CFAP47: variants seen among roughly 807,000 people sequenced by gnomAD.
CFAP47 encodes cilia and flagella associated protein 47, also known as cilia- and flagella-associated protein 47.
Under a neutral mutation model 148.1 loss-of-function variants are expected in CFAP47, and 29 were observed. The observed-to-expected ratio is 0.20, with a 90% CI of 0.15 to 0.27. The LOEUF is 0.27. Among genes scored for constraint, CFAP47 ranks in the 10% least tolerant of loss-of-function variants. CFAP47 has a pLI of 1.00. For synonymous variants in CFAP47, 664 were observed against 577.3 expected (o/e 1.15, Z -2.15); for missense variants, 1,872 against 1,697.5 (o/e 1.10, Z -1.81).
intron 42 of CFAP47, among the ~76,000 whole-genome samples, chrX:36,194,974 A>C (rs1353134960): frequency 8.9e-6 from 1 of 112,544 alleles, no homozygotes; most frequent in Non-Finnish European, 1.9e-5. Context: ...CCTACTGGTG[A>C]ATTAGAGAAG....
At chrX:35,955,641 T>C (rs2146647201) in intron 7 of CFAP47, among the ~76,000 whole-genome samples, 1 of 112,164 alleles carries the variant, frequency 8.9e-6, no homozygotes, top group Non-Finnish European at 1.9e-5. Flanking sequence ...TTGTACTCTG[T>C]CTCAACCTGT....
At chrX:36,025,991 C>G (rs1439843981) in intron 22 of CFAP47, among the ~76,000 whole-genome samples, 1 of 111,559 alleles carries the variant, frequency 9.0e-6, no homozygotes, top group Non-Finnish European at 1.9e-5. Flanking sequence ...ATGTCTTTGT[C>G]AGCTAGAGGG....
At chrX:36,033,735 A>G (rs1223768115) in intron 23 of CFAP47, among the ~76,000 whole-genome samples, 3 of 111,597 alleles carry the variant, frequency 2.7e-5, no homozygotes, top group Non-Finnish European at 5.7e-5. Context: ...GAAATGAGGT[A>G]TGTATTTTGT....
intron 10 of CFAP47, among the ~76,000 whole-genome samples, chrX:35,968,185 G>T (rs774519961): frequency 1.8e-5 from 2 of 110,776 alleles, no homozygotes; most frequent in Non-Finnish European, 3.8e-5. Flanking sequence ...TGTTTATTAA[G>T]TATGGTTGAA....
intron 30 of CFAP47, among the ~76,000 whole-genome samples, chrX:36,087,895 A>G (rs912970125): frequency 3.6e-5 from 4 of 111,522 alleles, no homozygotes; most frequent in Non-Finnish European, 7.5e-5. Flanking sequence ...TTTTTCTCAG[A>G]GTTCTGGATG....
At chrX:36,287,124 A>G (rs1941141857) in intron 51 of CFAP47, among the ~76,000 whole-genome samples, 1 of 111,540 alleles carries the variant, frequency 9.0e-6, no homozygotes, top group African/African-American at 3.2e-5. Context: ...CAAAACCAAA[A>G]CCAAAAAACC....
intron 51 of CFAP47, among the ~76,000 whole-genome samples, chrX:36,288,970 C>A: frequency 1.1e-5 from 1 of 88,251 alleles, no homozygotes; most frequent in South Asian, 5.0e-4. Flanking sequence ...TTTTGAGTTA[C>A]TGTTTTCAAT....
At chrX:35,991,148 TC>T (rs935467604) in intron 16 of CFAP47, among the ~76,000 whole-genome samples, 3 of 111,580 alleles carry the variant, frequency 2.7e-5, no homozygotes, top group Non-Finnish European at 5.7e-5. Context: ...TTTGGTTTCT[TC>T]CACTGTAAAA....
In CFAP47 at chrX:36,104,399, C is replaced by T. The variant is rs932377356; in HGVS notation, c.5128-100C>T. ...CATTTAACCAGAAAATACTAGTGCC[C>T]TCTTTAATCTCCTGTCATGTTTTTT... On this transcript the variant is annotated intron_variant, in intron 32 of 63. Transcript: ENST00000378653. 1.9e-5 allele frequency: 7 copies of T among 366,740 alleles called. No individual in the cohort carries two copies. In the South Asian group the frequency reaches 7.0e-4, roughly 37 times the overall value. The allele number at this position is 366,740 out of a possible 1,213,427, so 30.2% of individuals were successfully genotyped here. A position where few individuals can be genotyped will look rare whatever the true frequency, so the allele number is the denominator to read the frequency against.
intron 16 of CFAP47, among the ~76,000 whole-genome samples, chrX:35,990,957 A>C (rs190507020): frequency 3.8e-4 from 42 of 111,598 alleles, no homozygotes; most frequent in Middle Eastern, 9.3e-3. Flanking sequence ...CCCCATGAGG[A>C]GAATTGACTT....
chrX:36,079,039 G>A (rs1018861457), intron 29 of CFAP47, among the ~76,000 whole-genome samples: 2 of 112,015 alleles, frequency 1.8e-5, no homozygotes, highest in African/African-American at 6.5e-5. Context: ...TTTCTGCCAA[G>A]AGATCCACTG....
At chrX:36,092,055 A>G (rs1938194105) in intron 30 of CFAP47, among the ~76,000 whole-genome samples, 1 of 111,487 alleles carries the variant, frequency 9.0e-6, no homozygotes, top group Non-Finnish European at 1.9e-5. Context: ...GGATATTCAT[A>G]TTAAGAGTTT....
chrX:36,042,374 G>T (rs1027538871), intron 25 of CFAP47, among the ~76,000 whole-genome samples: 1 of 111,276 alleles, frequency 9.0e-6, no homozygotes, highest in Non-Finnish European at 1.9e-5. Context: ...CTGTATATTA[G>T]ATTATTTTTT....
At chrX:36,215,619 C>T (rs1940151509) in intron 45 of CFAP47, among the ~76,000 whole-genome samples, 1 of 111,513 alleles carries the variant, frequency 9.0e-6, no homozygotes, top group Non-Finnish European at 1.9e-5. Flanking sequence ...TAAAATGTAT[C>T]ACATACAGAA....
chrX:36,189,999 G>T lies in CFAP47; in HGVS notation c.6176-52G>T. 3 of 294,606 alleles carry T rather than the reference G, an allele frequency of 1.0e-5. No individual in the cohort carries two copies. The South Asian group carries it at 6.3e-4, about 62-fold the overall frequency. The allele number at this position is 294,606 out of a possible 1,213,427, so 24.3% of individuals were successfully genotyped here. ...GATACCAAAACTTTAATCACTAAAT[G>T]AACAGCACTTACAAAATTATATGTC... On this transcript the variant is annotated intron_variant, in intron 41 of 63. Transcript: ENST00000378653.
chrX:36,089,383 A>C (rs982673314), intron 30 of CFAP47, among the ~76,000 whole-genome samples: 1 of 111,937 alleles, frequency 8.9e-6, no homozygotes, highest in African/African-American at 3.3e-5. Flanking sequence ...AAATAAAAAA[A>C]AGGAAAAAAA....
At chrX:36,375,306 G>A (rs782680188) in intron 62 of CFAP47, 10 of 147,191 alleles carry the variant, frequency 6.8e-5, no homozygotes, top group South Asian at 3.3e-4. Context: ...GTTCAGGTGC[G>A]TGTTAATTTC....
chrX:36,123,924 C>T (rs1329181126), intron 33 of CFAP47, among the ~76,000 whole-genome samples: 2 of 111,556 alleles, frequency 1.8e-5, no homozygotes, highest in African/African-American at 6.5e-5. Context: ...GTCTCAGAGT[C>T]TCATCCAAGT....
Position 36,310,822 on chromosome X carries a change from T to C in CFAP47, c.8188-11T>C, listed in dbSNP as rs782121859. On this transcript the variant is annotated splice_polypyrimidine_tract_variant and intron_variant, in intron 55 of 63. Transcript: ENST00000378653. ...AGGACACATAAGTTACGAATACTTA[T>C]CTTCAAACAGTTTACAGAATGGAAA... The C allele has an allele frequency of 8.9e-6, 10 of 1,125,859 alleles. No homozygotes were observed. In the African/African-American group the frequency reaches 1.1e-4, roughly 12 times the overall value. 92.8% of individuals were successfully genotyped at this position (1,125,859 alleles called of 1,213,427 possible).
Sources: gnomAD v4.1 joint callset for allele counts (sites outside exome capture counted in the v4.1 genomes callset) on GRCh38, gnomAD v4.1.1 for gene constraint, MANE v1.5 for transcripts, NCBI Gene and HGNC (gene_info 2026-07-23, HGNC 2026-07-21) for gene names.